The following BIRC2 variants were observed in gnomAD, a reference collection of about 807,000 sequenced individuals.
BIRC2 encodes the protein baculoviral IAP repeat-containing protein 2.
BIRC2 carries 18 observed loss-of-function variants against 60.9 expected under a neutral mutation model. The ratio of observed to expected loss-of-function variants is 0.30; its 90% CI spans 0.20 to 0.44. The LOEUF is 0.44. Ranked by LOEUF, BIRC2 falls within the 20% of genes least tolerant of loss-of-function variation. The probability of loss-of-function intolerance (pLI) is 1.00; values close to 1 mark genes in which losing one functional copy is unlikely to be tolerated. For synonymous variants in BIRC2, 282 were observed against 247.7 expected (o/e 1.14, Z -1.30); for missense variants, 701 against 728.5 (o/e 0.96, Z 0.43).
chr11:102,351,725 G>A (rs1417289014), intron 3 of BIRC2, among the ~76,000 whole-genome samples: 3 of 148,314 alleles, frequency 2.0e-5, no homozygotes, highest in Non-Finnish European at 3.0e-5. Flanking sequence ...CCTCCTTTTA[G>A]CCACTTTGTC....
intron 6 of BIRC2, among the ~76,000 whole-genome samples, chr11:102,375,059 C>T (rs1290011313): frequency 1.3e-5 from 2 of 152,240 alleles, no homozygotes; most frequent in African/African-American, 4.8e-5. Context: ...GGCCTGCGCC[C>T]ACTGTCTGGC....
chr11:102,363,445 A>G (rs566532678), intron 4 of BIRC2, among the ~76,000 whole-genome samples: 3 of 152,204 alleles, frequency 2.0e-5, no homozygotes, highest in Admixed American at 1.3e-4. Flanking sequence ...ACATTTTTCT[A>G]CTTTCCTGAA....
chr11:102,352,751 C>T (rs113255211), intron 3 of BIRC2, among the ~76,000 whole-genome samples: 56 of 152,212 alleles, frequency 3.7e-4, no homozygotes, highest in African/African-American at 1.2e-3. Context: ...ATTTCTGTCT[C>T]TATGAATTTG....
intron 3 of BIRC2, among the ~76,000 whole-genome samples, chr11:102,353,533 G>C (rs1388046277): frequency 6.6e-6 from 1 of 152,100 alleles, no homozygotes; most frequent in African/African-American, 2.4e-5. Flanking sequence ...GGCCAGTCTA[G>C]TCTCAAACTT....
chr11:102,364,174 T>TATATATATATATACAC (rs1389968594), intron 5 of BIRC2, among the ~76,000 whole-genome samples: 21 of 78,094 alleles, frequency 2.7e-4, no homozygotes, highest in Admixed American at 8.8e-4. Flanking sequence ...TATATATATA[T>TATATATATATATACAC]ACACACACAC....
intron 5 of BIRC2, among the ~76,000 whole-genome samples, chr11:102,366,660 T>TCCACCAC (rs1951556289): frequency 6.6e-6 from 1 of 152,004 alleles, no homozygotes; most frequent in Non-Finnish European, 1.5e-5. Flanking sequence ...TGAGCCACCA[T>TCCACCAC]GCCCGGCCCT....
chr11:102,360,622 G>A lies in BIRC2; in HGVS notation c.996-2274G>A, dbSNP rs186385702. On this transcript the variant is annotated intron_variant, in intron 3 of 8. Coordinates refer to ENST00000227758, the MANE Select transcript of BIRC2 (RefSeq NM_001166.5). ...TGAATTCTTTATCTGTTAGTTCATAGATCTCCATTTCTTTGTGGGTGATTA... is the reference window on the plus strand; with the variant it reads ...TGAATTCTTTATCTGTTAGTTCATAAATCTCCATTTCTTTGTGGGTGATTA... 8.3e-3 allele frequency among the ~76,000 whole-genome samples: 1,242 copies of A among 149,518 alleles called. 20 individuals are homozygous for A. The highest frequency in any genetic ancestry group is 0.027 in the African/African-American group (1,122 of 40,804).
chr11:102,360,541 TATTTC>T (rs1181624079), intron 3 of BIRC2, among the ~76,000 whole-genome samples: 1 of 152,062 alleles, frequency 6.6e-6, no homozygotes, highest in African/African-American at 2.4e-5. Context: ...TATATTTTTT[TATTTC>T]ATTATCTGTG....
At chr11:102,377,050 C>G (rs1951723259) in intron 6 of BIRC2, among the ~76,000 whole-genome samples, 1 of 152,010 alleles carries the variant, frequency 6.6e-6, no homozygotes, top group African/African-American at 2.4e-5. Flanking sequence ...TGATCTTAGG[C>G]CACTCATTCT....
intron 3 of BIRC2, among the ~76,000 whole-genome samples, chr11:102,361,988 C>T (rs942513144): frequency 6.6e-6 from 1 of 152,126 alleles, no homozygotes; most frequent in East Asian, 1.9e-4. Context: ...TGATGTCACT[C>T]TTGCAAACTT....
chr11:102,364,641 A>G (rs1951532584), intron 5 of BIRC2, among the ~76,000 whole-genome samples: 1 of 152,224 alleles, frequency 6.6e-6, no homozygotes, highest in Non-Finnish European at 1.5e-5. Context: ...ACAAAGGGCC[A>G]TTCTGTTTGT....
chr11:102,369,771 A>G (rs983433773), intron 6 of BIRC2, among the ~76,000 whole-genome samples: 12 of 148,348 alleles, frequency 8.1e-5, no homozygotes, highest in African/African-American at 3.0e-4. Context: ...ACTAGTTTAC[A>G]GTCCCACCAA....
chr11:102,356,476 G>A (rs533057739), intron 3 of BIRC2, among the ~76,000 whole-genome samples: 8 of 152,118 alleles, frequency 5.3e-5, no homozygotes, highest in South Asian at 2.1e-4. Context: ...GATTAGAGGC[G>A]TGAGCCACTG....
intron 5 of BIRC2, among the ~76,000 whole-genome samples, chr11:102,367,175 CCAGAGCTCAG>C (rs778508035): frequency 9.2e-5 from 14 of 152,318 alleles, no homozygotes; most frequent in Non-Finnish European, 1.8e-4. Context: ...CTTCTAATAC[CCAGAGCTCAG>C]TAGCATGGGC....
In BIRC2 at chr11:102,368,329, A is replaced by G. The variant is rs1285930767; in HGVS notation, c.1147A>G (p.Ser383Gly). The change falls in exon 6 of 9, where the codon AGT (serine) becomes GGT (glycine). Residue 383 changes from serine to glycine, a missense_variant. Ser to Gly is a moderately conservative substitution (Grantham distance 56, BLOSUM62 0). Transcript: ENST00000227758. ...AGTTATTCATTTTGGACCTGGAGAA[A>G]GTTCTTCAGAAGATGCTGTCATGAT... The part of the protein sequence containing the change: ...PPIIHFGPGE[S>G]SSEDAVMMNT... 10 of 1,613,118 alleles carry G rather than the reference A, an allele frequency of 6.2e-6. No individual in the cohort carries two copies. The Middle Eastern group carries it at 6.6e-4, about 107-fold the overall frequency.
intron 6 of BIRC2, among the ~76,000 whole-genome samples, chr11:102,374,356 T>C (rs1951675204): frequency 6.7e-6 from 1 of 149,586 alleles, no homozygotes; most frequent in Admixed American, 6.6e-5. Flanking sequence ...GGTGTGGATG[T>C]CCTTTCTGTT....
chr11:102,377,821 TAGTAG>T (rs1951732380), intron 7 of BIRC2, 31 bp from the exon 8 acceptor site: 1 of 1,596,834 alleles, frequency 6.3e-7, no homozygotes, highest in African/African-American at 1.4e-5. Flanking sequence ...GTTTTGTATT[TAGTAG>T]AGTAATGGTT....
chr11:102,364,683 T>G (rs958693055), intron 5 of BIRC2, among the ~76,000 whole-genome samples: 2 of 152,224 alleles, frequency 1.3e-5, no homozygotes, highest in African/African-American at 4.8e-5. Context: ...TTGGCAGATT[T>G]GTTAACTGGA....
chr11:102,352,937 A>G (rs1951380336), intron 3 of BIRC2, among the ~76,000 whole-genome samples: 1 of 152,214 alleles, frequency 6.6e-6, no homozygotes, highest in South Asian at 2.1e-4. Flanking sequence ...ATACTTTATT[A>G]TGGATCAGTA....
Sources: gnomAD v4.1 joint callset for allele counts (sites outside exome capture counted in the v4.1 genomes callset) on GRCh38, gnomAD v4.1.1 for gene constraint, MANE v1.5 for transcripts, NCBI Gene and HGNC (gene_info 2026-07-23, HGNC 2026-07-21) for gene names.